Variants in FAM47E observed in about 807,000 individuals in gnomAD.
FAM47E encodes protein FAM47E.
A neutral mutation model predicts 41.6 loss-of-function variants in FAM47E; 32 were observed. The observed-to-expected ratio is 0.77, with a 90% CI of 0.58 to 1.03. FAM47E has a LOEUF of 1.03. Ranked by LOEUF, FAM47E falls within the 50% of genes least tolerant of loss-of-function variation. FAM47E has a pLI of 0.00. For missense variants in FAM47E, 424 were observed against 485.4 expected (o/e 0.87, Z 1.19); for synonymous variants, 184 against 188.7 (o/e 0.98, Z 0.20).
At chr4:76,243,574 C>T (rs1212297266) in intron 2 of FAM47E, among the ~76,000 whole-genome samples, 1 of 152,152 alleles carries the variant, frequency 6.6e-6, no homozygotes, top group Admixed American at 6.5e-5. Flanking sequence ...AGGTGCAGAG[C>T]ATTGCTTAAT....
chr4:76,245,087 C>T (rs1733796572), intron 2 of FAM47E, among the ~76,000 whole-genome samples: 1 of 152,128 alleles, frequency 6.6e-6, no homozygotes, highest in Non-Finnish European at 1.5e-5. Context: ...ACATTGCCCC[C>T]AACTCACCAA....
chr4:76,254,374 G>A (rs995910355), intron 1 of FAM47E, among the ~76,000 whole-genome samples: 4 of 152,018 alleles, frequency 2.6e-5, no homozygotes, highest in Non-Finnish European at 5.9e-5. Flanking sequence ...TAATATGGAG[G>A]GTTACTTACT....
At position 76,271,624 on chromosome 4, in the gene FAM47E, G is replaced by A; in HGVS notation, c.726G>A (p.Glu242=). 6.4e-7 allele frequency: 1 copy of A among 1,552,132 alleles called. No homozygotes were observed. Among genetic ancestry groups the A allele is most frequent in the Non-Finnish European group, 8.7e-7 (1 of 1,147,094 alleles). ...FILKQFDIDY[E]TKPSHDALHT... Reference sequence around the variant, plus strand: ...TGAAACAGTTTGACATTGACTATGAGACCAAACCAAGCCATGATGCGCTCC... The same window carrying A: ...TGAAACAGTTTGACATTGACTATGAAACCAAACCAAGCCATGATGCGCTCC... Residue 242 remains glutamate, a synonymous_variant, in exon 5 of 8, where the codon GAG becomes GAA. Transcript: ENST00000424749.
intron 2 of FAM47E, among the ~76,000 whole-genome samples, chr4:76,238,725 A>G (rs1439921174): frequency 1.3e-5 from 2 of 152,146 alleles, no homozygotes; most frequent in Non-Finnish European, 1.5e-5. Flanking sequence ...AAAAAACTTT[A>G]TTGTTTATTT....
At chr4:76,223,370 C>G (rs914736862) in intron 2 of FAM47E, among the ~76,000 whole-genome samples, 1 of 152,050 alleles carries the variant, frequency 6.6e-6, no homozygotes, top group Non-Finnish European at 1.5e-5. Flanking sequence ...AGTAGCCCAC[C>G]CCTTATTGGG....
intron 7 of FAM47E, chr4:76,281,522 A>G (rs1157818121): frequency 6.6e-6 from 1 of 151,854 alleles, no homozygotes; most frequent in Non-Finnish European, 1.5e-5. Context: ...TTAATATTAC[A>G]TAATTATGTG....
intron 6 of FAM47E, chr4:76,279,828 G>A (rs1208899759): frequency 6.5e-6 from 1 of 152,834 alleles, no homozygotes; most frequent in Non-Finnish European, 1.5e-5. Flanking sequence ...GTAAACTTAT[G>A]CATCCAATTT....
At position 76,214,193 on chromosome 4, in the gene FAM47E, G is replaced by GGGGC. The variant is rs1297108311; in HGVS notation, c.-261_-260insGGGC. 8.0e-4 allele frequency: 361 copies of GGGGC among 454,046 alleles called. 2 individuals are homozygous for GGGGC. The highest frequency in any genetic ancestry group is 1.0e-3 in the Non-Finnish European group (235 of 226,762). The allele number at this position is 454,046 out of a possible 1,614,324, so 28.1% of individuals were successfully genotyped here. ...GCTGGGACATTCCCCTGCTCTAGAG[G>GGGGC]CGCTCGCAAGTTAGCGGGGACACCG... On this transcript the variant is annotated 5_prime_UTR_variant, in exon 1 of 8. Transcript: ENST00000510197.
intron 2 of FAM47E, among the ~76,000 whole-genome samples, chr4:76,231,692 A>G (rs1053606782): frequency 6.6e-6 from 1 of 152,228 alleles, no homozygotes; most frequent in Admixed American, 6.5e-5. Context: ...AAGGAATCAG[A>G]TAAGACCTTT....
chr4:76,231,091 G>A (rs1303211680), intron 2 of FAM47E, among the ~76,000 whole-genome samples: 1 of 151,274 alleles, frequency 6.6e-6, no homozygotes, highest in East Asian at 1.9e-4. Flanking sequence ...GCATGCTAAG[G>A]TGAAACCGTA....
chr4:76,248,702 C>T (rs900026288), upstream of FAM47E, among the ~76,000 whole-genome samples: 3 of 152,148 alleles, frequency 2.0e-5, no homozygotes, highest in African/African-American at 7.2e-5. Flanking sequence ...TTCATGACAT[C>T]TGCATCATCA....
chr4:76,278,909 C>G (rs1251849205), intron 6 of FAM47E: 2 of 152,146 alleles, frequency 1.3e-5, no homozygotes, highest in South Asian at 4.1e-4. Flanking sequence ...ATTTGCAAAC[C>G]TCTTCTCTTT....
chr4:76,271,421 A>G (rs1734881850), intron 4 of FAM47E, 147 bp from the exon 5 acceptor site: 7 of 941,842 alleles, frequency 7.4e-6, no homozygotes, highest in Middle Eastern at 3.4e-4. Context: ...AACCCCAAAC[A>G]CTTCTTGTCT....
chr4:76,220,452 C>T (rs1389916334), intron 2 of FAM47E, among the ~76,000 whole-genome samples: 1 of 152,060 alleles, frequency 6.6e-6, no homozygotes, highest in Non-Finnish European at 1.5e-5. Context: ...CATAGCAAGA[C>T]CCTATCTCTA....
intron 5 of FAM47E, among the ~76,000 whole-genome samples, chr4:76,276,466 G>A (rs1437396446): frequency 2.6e-5 from 4 of 151,904 alleles, no homozygotes; most frequent in East Asian, 3.9e-4. Flanking sequence ...TCCACCTCCC[G>A]GGTTCAAGCG....
chr4:76,248,598 G>A (rs565412793), upstream of FAM47E, among the ~76,000 whole-genome samples: 15 of 152,202 alleles, frequency 9.9e-5, no homozygotes, highest in East Asian at 2.7e-3. Context: ...CTAGGCACTG[G>A]AGATGCAATG....
chr4:76,277,259 C>T (rs1303329440), intron 5 of FAM47E, among the ~76,000 whole-genome samples: 3 of 152,096 alleles, frequency 2.0e-5, no homozygotes, highest in Admixed American at 6.6e-5. Flanking sequence ...CCGAGGCGGG[C>T]GGATCACGAG....
chr4:76,266,978 A>G (rs1194345141), intron 3 of FAM47E, among the ~76,000 whole-genome samples: 2 of 152,112 alleles, frequency 1.3e-5, no homozygotes, highest in African/African-American at 4.8e-5. Context: ...TAATAGAGAC[A>G]ACTTCTCTGT....
chr4:76,214,924 G>C (rs1284014960), intron 1 of FAM47E, among the ~76,000 whole-genome samples: 1 of 152,240 alleles, frequency 6.6e-6, no homozygotes, highest in Non-Finnish European at 1.5e-5. Flanking sequence ...AAGCAAGGAA[G>C]GAAGGTTGGG....
Sources: allele counts gnomAD v4.1 joint callset (sites outside exome capture counted in the v4.1 genomes callset), GRCh38; gene constraint gnomAD v4.1.1; transcripts MANE v1.5; gene names NCBI Gene and HGNC (gene_info 2026-07-23, HGNC 2026-07-21).